The following PTPN4 variants were observed in gnomAD, a reference collection of about 807,000 sequenced individuals.
PTPN4 encodes protein tyrosine phosphatase non-receptor type 4, also known as tyrosine-protein phosphatase non-receptor type 4.
PTPN4 carries 49 observed loss-of-function variants against 135.5 expected under a neutral mutation model. That is an observed-to-expected ratio of 0.36 (90% confidence interval 0.29 to 0.46). PTPN4 has a LOEUF of 0.46. Ranked by LOEUF, PTPN4 falls within the 20% of genes least tolerant of loss-of-function variation. The pLI, the probability that PTPN4 is intolerant of heterozygous loss-of-function variation, is 1.00. For synonymous variants in PTPN4, 333 were observed against 369.9 expected, an observed-to-expected ratio of 0.90 and a Z score of 1.14; for missense variants, 860 against 1,101.0, an observed-to-expected ratio of 0.78 and a Z score of 3.10.
intron 1 of PTPN4, among the ~76,000 whole-genome samples, chr2:119,774,130 G>A (rs1297719418): frequency 1.3e-5 from 2 of 152,166 alleles, no homozygotes; most frequent in Non-Finnish European, 2.9e-5. Context: ...GATCTTTTGT[G>A]GTTCTTGAGT....
At chr2:119,783,321 A>G (rs1244869299) in intron 1 of PTPN4, among the ~76,000 whole-genome samples, 2 of 152,196 alleles carry the variant, frequency 1.3e-5, no homozygotes, top group African/African-American at 2.4e-5. Context: ...AATGTCACCA[A>G]CATACATGAG....
intron 26 of PTPN4, among the ~76,000 whole-genome samples, chr2:119,972,618 A>G (rs1679553774): frequency 6.6e-6 from 1 of 152,144 alleles, no homozygotes. Flanking sequence ...TGATGAGACC[A>G]GAACACTTGT....
Position 119,829,209 on chromosome 2 carries a change from G to GT in PTPN4, c.138+19226dup, listed in dbSNP as rs200970106. Among the ~76,000 whole-genome samples, 37 of 151,952 alleles carry GT rather than the reference G, an allele frequency of 2.4e-4. 1 individual carries two copies. Among genetic ancestry groups the GT allele is most frequent in the African/African-American group, 8.2e-4 (34 of 41,472 alleles). ...GGACTGTCAGCTTTTTACTTTGTGTGTTTTTTTTGAACGGTTTAATTGAGA... is the reference window on the plus strand; with the variant it reads ...GGACTGTCAGCTTTTTACTTTGTGTGTTTTTTTTTGAACGGTTTAATTGAGA... On this transcript the variant is annotated intron_variant, in intron 2 of 26. Transcript: ENST00000263708.
chr2:119,940,523 A>G (rs564719471), intron 15 of PTPN4, among the ~76,000 whole-genome samples: 2 of 152,276 alleles, frequency 1.3e-5, no homozygotes, highest in South Asian at 4.1e-4. Context: ...TGGCGCAATT[A>G]TAGCTCACCA....
chr2:119,941,869 G>A (rs1157228135), intron 15 of PTPN4, among the ~76,000 whole-genome samples: 1 of 152,142 alleles, frequency 6.6e-6, no homozygotes, highest in East Asian at 1.9e-4. Flanking sequence ...AGTCTTGCAA[G>A]TAGCACGGGA....
chr2:119,905,608 A>G (rs1380446479), intron 10 of PTPN4, among the ~76,000 whole-genome samples: 6 of 152,218 alleles, frequency 3.9e-5, no homozygotes, highest in African/African-American at 1.4e-4. Context: ...ACGGTAGACC[A>G]AAGGAACCTA....
rs1677776194 is a variant in PTPN4 at position 119,862,540 on chromosome 2, A to G, written c.143A>G (p.His48Arg). ...AATTTTTTTTTTTTTTTACAGAAAC[A>G]TGATCAGGGGCAAGTCTTGTTGGAT... Reference protein sequence around the residue: ...NTVQAFKVNKHDQGQVLLDVV... With the variant: ...NTVQAFKVNKRDQGQVLLDVV... Residue 48 changes from histidine to arginine, a missense_variant, in exon 3 of 27, where the codon CAT (histidine) becomes CGT (arginine). By Grantham distance (29) the His-to-Arg change is conservative. This residue lies in a region of PTPN4 where 684 missense variants were observed against 807.0 expected (regional missense o/e 0.85). Coordinates refer to ENST00000263708, the MANE Select transcript of PTPN4 (RefSeq NM_002830.4). 2 of 1,601,316 alleles carry G rather than the reference A, an allele frequency of 1.2e-6. No homozygotes were observed. Among genetic ancestry groups the G allele is most frequent in the South Asian group, 2.3e-5 (2 of 88,216 alleles).
chr2:119,808,848 A>C (rs1220888655), intron 1 of PTPN4, among the ~76,000 whole-genome samples: 1 of 152,208 alleles, frequency 6.6e-6, no homozygotes, highest in Non-Finnish European at 1.5e-5. Context: ...TAATCTTTTG[A>C]AATGAATAAT....
At chr2:119,772,006 A>G (rs1001541291) in intron 1 of PTPN4, among the ~76,000 whole-genome samples, 4 of 152,258 alleles carry the variant, frequency 2.6e-5, no homozygotes, top group Non-Finnish European at 5.9e-5. Context: ...CAAGGGGATT[A>G]AAGTTATTTG....
At chr2:119,847,258 AAAG>A (rs1179808497) in intron 2 of PTPN4, among the ~76,000 whole-genome samples, 3 of 147,128 alleles carry the variant, frequency 2.0e-5, no homozygotes, top group Non-Finnish European at 4.5e-5. Flanking sequence ...GTTAAGAAAA[AAAG>A]GAGATACTCT....
intron 13 of PTPN4, among the ~76,000 whole-genome samples, chr2:119,930,984 A>G (rs1211502812): frequency 6.6e-6 from 1 of 152,116 alleles, no homozygotes; most frequent in African/African-American, 2.4e-5. Flanking sequence ...ACAAAGGCCT[A>G]TGATTCTTAT....
At chr2:119,891,647 T>A (rs753591375) in intron 9 of PTPN4, among the ~76,000 whole-genome samples, 1 of 152,180 alleles carries the variant, frequency 6.6e-6, no homozygotes, top group Non-Finnish European at 1.5e-5. Context: ...TAAAAAAATA[T>A]CTCTTTGGTA....
intron 9 of PTPN4, among the ~76,000 whole-genome samples, chr2:119,896,038 T>C (rs1230757736): frequency 6.6e-6 from 1 of 152,232 alleles, no homozygotes. Flanking sequence ...TATCATTTTT[T>C]TCCTGCTCTT....
chr2:119,802,694 T>A (rs1469818415), intron 1 of PTPN4, among the ~76,000 whole-genome samples: 1 of 152,200 alleles, frequency 6.6e-6, no homozygotes, highest in Non-Finnish European at 1.5e-5. Context: ...TGTTTTTGTC[T>A]GTTTTTTCCA....
intron 2 of PTPN4, among the ~76,000 whole-genome samples, chr2:119,821,032 A>T (rs1042361620): frequency 1.3e-5 from 2 of 150,326 alleles, no homozygotes; most frequent in East Asian, 2.0e-4. Flanking sequence ...CCTCTTAAAT[A>T]TTATTCCTAG....
At chr2:119,928,913 A>G (rs1678863085) in intron 13 of PTPN4, among the ~76,000 whole-genome samples, 1 of 152,106 alleles carries the variant, frequency 6.6e-6, no homozygotes, top group Non-Finnish European at 1.5e-5. Flanking sequence ...ATAAGTGTTA[A>G]TGTTTTCATG....
At chr2:119,907,767 C>G (rs950907183) in intron 10 of PTPN4, among the ~76,000 whole-genome samples, 48 of 152,118 alleles carry the variant, frequency 3.2e-4, no homozygotes, top group Non-Finnish European at 7.1e-4. Context: ...ATAGACCCAA[C>G]AGAACAGAAT....
chr2:119,980,550 A>G lies in PTPN4; in HGVS notation c.*3480A>G, dbSNP rs1483770473. ...TATATGATCTGCTTTCTAATTATCT[A>G]TCTAGTATTCCTATATTATACTGGA... On this transcript the variant is annotated 3_prime_UTR_variant, in exon 27 of 27. Transcript: ENST00000263708. The G allele has an allele frequency of 6.6e-6, 1 of 151,998 alleles. No individual in the cohort carries two copies. The highest frequency in any genetic ancestry group is 1.5e-5 in the Non-Finnish European group (1 of 67,946). The allele number at this position is 151,998 out of a possible 1,614,324, so 9.4% of individuals were successfully genotyped here.
chr2:119,860,415 A>G (rs1303612571), intron 2 of PTPN4, among the ~76,000 whole-genome samples: 2 of 152,212 alleles, frequency 1.3e-5, no homozygotes, highest in Non-Finnish European at 2.9e-5. Context: ...TGAATCTTGG[A>G]ATTGCTGTGA....
Sources: allele counts gnomAD v4.1 joint callset (sites outside exome capture counted in the v4.1 genomes callset), GRCh38; gene constraint gnomAD v4.1.1; regional missense constraint gnomAD v4.1.1; transcripts MANE v1.5; gene names NCBI Gene and HGNC (gene_info 2026-07-23, HGNC 2026-07-21).